ERN1: variants seen among roughly 807,000 people sequenced by gnomAD.
ERN1 encodes endoplasmic reticulum to nucleus signaling 1, also known as serine/threonine-protein kinase/endoribonuclease IRE1.
In ERN1, 39 loss-of-function variants were observed where a neutral mutation model predicts 113.1. The ratio of observed to expected loss-of-function variants is 0.34; its 90% CI spans 0.27 to 0.45. The LOEUF is 0.45. ERN1 is among the 20% of genes least tolerant of loss of function. The pLI, the probability that ERN1 is intolerant of heterozygous loss-of-function variation, is 1.00. For synonymous variants in ERN1, 507 were observed against 515.9 expected, an observed-to-expected ratio of 0.98 and a Z score of 0.23; for missense variants, 976 against 1,274.8, an observed-to-expected ratio of 0.77 and a Z score of 3.57.
chr17:64,065,249 T>C lies in ERN1; in HGVS notation c.881A>G (p.Tyr294Cys). 6.2e-7 allele frequency: 1 copy of C among 1,608,036 alleles called. No homozygotes were observed. Among genetic ancestry groups the C allele is most frequent in the Non-Finnish European group, 8.5e-7 (1 of 1,177,266 alleles). ...CTCGTGTACCATTGAGGGAGAGGCATAGAGGCTGGTAGAGTATTTCCCAAC... is the reference window on the plus strand; with the variant it reads ...CTCGTGTACCATTGAGGGAGAGGCACAGAGGCTGGTAGAGTATTTCCCAAC... ...LYVGKYSTSL[Y>C]ASPSMVHEGV... is the part of the protein sequence containing the mutation. Residue 294 changes from tyrosine to cysteine, a missense_variant, in exon 9 of 22, where the codon TAT becomes TGT. Coordinates refer to ENST00000433197, the MANE Select transcript of ERN1 (RefSeq NM_001433.5).
Position 64,048,600 on chromosome 17 carries a change from C to T in ERN1, c.2401+455G>A, listed in dbSNP as rs1399671976. On this transcript the variant is annotated intron_variant, in intron 18 of 21. Coordinates refer to ENST00000433197, the MANE Select transcript of ERN1 (RefSeq NM_001433.5). The stretch of plus-strand genomic sequence containing the variant: ...GAAAACCTGAAGTCTGGAAGAAAGA[C>T]TTGTTGCACCCATACCAGGAGACCA... 5.9e-5 allele frequency among the ~76,000 whole-genome samples: 9 copies of T among 152,278 alleles called. No homozygotes were observed. In the South Asian group the frequency reaches 1.7e-3, roughly 28 times the overall value.
At chr17:64,089,176 G>T (rs560094643) in intron 2 of ERN1, among the ~76,000 whole-genome samples, 3 of 151,852 alleles carry the variant, frequency 2.0e-5, no homozygotes, top group Non-Finnish European at 4.4e-5. Context: ...AAAATTAGCC[G>T]GGCATGGTGG....
intron 1 of ERN1, among the ~76,000 whole-genome samples, chr17:64,111,223 T>G (rs1914662911): frequency 6.6e-6 from 1 of 152,250 alleles, no homozygotes; most frequent in Admixed American, 6.5e-5. Context: ...TTCTGATATA[T>G]GTACACATTG....
chr17:64,047,271 A>T (rs563289146), intron 19 of ERN1, among the ~76,000 whole-genome samples: 1 of 152,230 alleles, frequency 6.6e-6, no homozygotes. Flanking sequence ...CTGAGGCAGG[A>T]GAATCACTTG....
rs16947420 is a variant in ERN1, at chr17:64,066,862, C to T, written c.651G>A (p.Leu217=). The part of the protein sequence containing the change: ...VTVDSESGDV[L]WIQNYASPVV... ...CAGGGGAGGCGTAGTTTTGGATCCA[C>T]AGGACGTCCCCAGATTCACTGTCCA... The change falls in exon 8 of 22, where the codon CTG becomes CTA. Residue 217 remains leucine (L), a synonymous_variant. Transcript: ENST00000433197. The T allele has an allele frequency of 5.0e-3, 8,018 of 1,613,870 alleles. 314 individuals are homozygous for T. In the Admixed American group the frequency reaches 0.082, roughly 17 times the overall value.
At chr17:64,077,225 C>T (rs1913620438) in intron 4 of ERN1, among the ~76,000 whole-genome samples, 2 of 152,182 alleles carry the variant, frequency 1.3e-5, no homozygotes, top group Admixed American at 6.5e-5. Context: ...GTCCACAATC[C>T]ACTTACAGCC....
Position 64,054,355 on chromosome 17 carries a change from C to G in ERN1, c.1848G>C (p.Leu616Phe). Residue 616 changes from leucine to phenylalanine, a missense_variant, in exon 15 of 22, where the codon TTG becomes TTC. By Grantham distance (22) the Leu-to-Phe change is conservative (BLOSUM62 0). Around this residue, in one of 5 missense-constraint regions of ERN1, gnomAD observed 297 missense variants for 457.8 expected, o/e 0.65. Coordinates refer to ENST00000433197, the MANE Select transcript of ERN1 (RefSeq NM_001433.5). This position sits in a 1 kb window ranked among gnomAD's most constrained non-coding sequence, Gnocchi z 4.9. ...FSFADREVQL[L>F]RESDEHPNVI... is the part of the protein sequence containing the mutation. ...CGTTCGGGTGCTCATCCGATTCTCG[C>G]AACAGCTGGACCTCACGGTCTGCGA... The G allele has an allele frequency of 6.2e-7, 1 of 1,612,106 alleles. No individual in the cohort carries two copies.
In ERN1 at chr17:64,049,169, C is replaced by T. The variant is rs1225040813; in HGVS notation, c.2287G>A (p.Val763Ile). 12 of 1,603,590 alleles carry T rather than the reference C, an allele frequency of 7.5e-6. No homozygotes were observed. Among genetic ancestry groups the T allele is most frequent in the African/African-American group, 1.3e-5 (1 of 74,770 alleles). The change falls in exon 18 of 22, where the codon GTC (valine) becomes ATC (isoleucine). Residue 763 changes from valine (V) to isoleucine (I), a missense_variant. Around this residue, in one of 5 missense-constraint regions of ERN1, gnomAD observed 297 missense variants for 457.8 expected, o/e 0.65. Transcript: ENST00000433197. The surrounding 1 kb of genome is among the most constrained non-coding windows in gnomAD (Gnocchi z 4.7). ...CCCTCAGAGATTACGTAGTAAAAGA[C>T]GCAGCCTGCAGAAAAGATGTCCACC... ...YTVDIFSAGC[V>I]FYYVISEGSH...
rs1438332512 is a variant in ERN1 at position 64,063,444 on chromosome 17, G to GA, written c.1087+541dup. On this transcript the variant is annotated intron_variant, in intron 10 of 21. Transcript: ENST00000433197. This position sits in a 1 kb window ranked among gnomAD's most constrained non-coding sequence, Gnocchi z 5.1. ...ATGGCAGCAAAAACAAGAGAAAGAGGAAAAAAGGGACCTTCCCACACACCT... is the reference window on the plus strand; with the variant it reads ...ATGGCAGCAAAAACAAGAGAAAGAGGAAAAAAAGGGACCTTCCCACACACCT... Among the ~76,000 whole-genome samples the GA allele has an allele frequency of 1.3e-5, 2 of 152,022 alleles. No homozygotes were observed. The highest frequency in any genetic ancestry group is 2.9e-5 in the Non-Finnish European group (2 of 67,990).
intron 11 of ERN1, among the ~76,000 whole-genome samples, chr17:64,058,198 C>T (rs545803478): frequency 6.6e-6 from 1 of 152,298 alleles, no homozygotes; most frequent in East Asian, 1.9e-4. Context: ...TGCATCTTTG[C>T]AGTGAGGTTA....
At chr17:64,078,080 G>A (rs1913653868) in intron 4 of ERN1, among the ~76,000 whole-genome samples, 1 of 152,128 alleles carries the variant, frequency 6.6e-6, no homozygotes, top group South Asian at 2.1e-4. Flanking sequence ...GGCATTACTG[G>A]GTCCTAAGGA....
At chr17:64,115,568 C>G (rs1328478972) in intron 1 of ERN1, among the ~76,000 whole-genome samples, 1 of 152,234 alleles carries the variant, frequency 6.6e-6, no homozygotes, top group Admixed American at 6.5e-5. Context: ...CCACCCTACC[C>G]TGCTCAGCTG....
At position 64,043,732 on chromosome 17, in the gene ERN1, G is replaced by C. The variant is rs1912413257; in HGVS notation, c.*256C>G. ...GGGGTGCTACTCGCGCTGTCTCTGA[G>C]GCCCTCCTTTGCAGACATCATGACC... On this transcript the variant is annotated 3_prime_UTR_variant, in exon 22 of 22. Coordinates refer to ENST00000433197, the MANE Select transcript of ERN1 (RefSeq NM_001433.5). The C allele has an allele frequency of 2.6e-6, 1 of 385,214 alleles. No individual in the cohort carries two copies. Among genetic ancestry groups the C allele is most frequent in the Non-Finnish European group, 4.6e-6 (1 of 216,856 alleles). 23.9% of individuals were successfully genotyped at this position (385,214 alleles called of 1,614,324 possible). A position where few individuals can be genotyped will look rare whatever the true frequency, so the allele number is the denominator to read the frequency against.
Position 64,125,301 on chromosome 17 carries a change from CCT to C in ERN1, c.54+4673_54+4674del, listed in dbSNP as rs1176413949. Among the ~76,000 whole-genome samples the C allele has an allele frequency of 7.2e-5, 11 of 152,064 alleles. No individual in the cohort carries two copies. The East Asian group carries it at 9.7e-4, about 13-fold the overall frequency. On this transcript the variant is annotated intron_variant, in intron 1 of 21. Transcript: ENST00000433197. Reference sequence around the variant, plus strand: ...AATGCCTCAAAAAAAAATATCTTCCCCTGTTATCATACAGAAAGCACCAAACA... The same window carrying C: ...AATGCCTCAAAAAAAAATATCTTCCCGTTATCATACAGAAAGCACCAAACA...
At chr17:64,092,366 C>T (rs1040478560) in intron 2 of ERN1, among the ~76,000 whole-genome samples, 1 of 152,150 alleles carries the variant, frequency 6.6e-6, no homozygotes, top group African/African-American at 2.4e-5. Context: ...GAAAGAGACA[C>T]TCACGTGAGA....
intron 1 of ERN1, among the ~76,000 whole-genome samples, chr17:64,126,566 T>C (rs1376604981): frequency 6.6e-6 from 1 of 152,182 alleles, no homozygotes; most frequent in Non-Finnish European, 1.5e-5. Flanking sequence ...ATTTTTCTCC[T>C]GTGCTCTGAG....
intron 18 of ERN1, among the ~76,000 whole-genome samples, chr17:64,048,809 G>T (rs964485634): frequency 3.5e-4 from 32 of 90,352 alleles, no homozygotes; most frequent in Admixed American, 9.6e-4. Flanking sequence ...CTTTGCCTAG[G>T]TCACACAAGT....
chr17:64,127,200 G>A (rs11655020), intron 1 of ERN1, among the ~76,000 whole-genome samples: 11,732 of 152,094 alleles, frequency 0.077, 598 homozygotes, highest in African/African-American at 0.13. Context: ...GTCAATGTCT[G>A]GCTCAATAAG....
chr17:64,062,131 T>A (rs1195206567), intron 10 of ERN1, among the ~76,000 whole-genome samples: 1 of 152,254 alleles, frequency 6.6e-6, no homozygotes, highest in African/African-American at 2.4e-5. Context: ...TAGGTCCAGA[T>A]TCCAGAGCAA....
Sources: gnomAD v4.1 joint callset for allele counts (sites outside exome capture counted in the v4.1 genomes callset) on GRCh38, gnomAD v4.1.1 for gene constraint, gnomAD v4.1.1 regional missense constraint, Gnocchi (gnomAD v3.1) non-coding constraint, MANE v1.5 for transcripts, NCBI Gene and HGNC (gene_info 2026-07-23, HGNC 2026-07-21) for gene names.